The following PIK3R5 variants were observed in gnomAD, a reference collection of about 807,000 sequenced individuals.
The protein encoded by PIK3R5 is phosphoinositide-3-kinase regulatory subunit 5.
In PIK3R5, 32 loss-of-function variants were observed where a neutral mutation model predicts 94.9. That is an observed-to-expected ratio of 0.34 (90% confidence interval 0.25 to 0.45). The LOEUF (loss-of-function observed/expected upper bound fraction) is 0.45, where lower values mean the gene tolerates loss of function less well. PIK3R5 is among the 20% of genes least tolerant of loss of function. The pLI is 1.00. For missense variants in PIK3R5, 853 were observed against 1,144.6 expected (o/e 0.75, Z 3.68); for synonymous variants, 443 against 479.4 (o/e 0.92, Z 0.99).
chr17:8,942,501 G>A lies in PIK3R5; in HGVS notation c.-14+23095C>T, dbSNP rs998685359. 4.6e-5 allele frequency among the ~76,000 whole-genome samples: 7 copies of A among 152,306 alleles called. No homozygotes were observed. In the East Asian group the frequency reaches 1.2e-3, roughly 25 times the overall value. On this transcript the variant is annotated intron_variant, in intron 1 of 18. Coordinates refer to ENST00000447110, the MANE Select transcript of PIK3R5 (RefSeq NM_001142633.3). ...CCCACCAACACCCTGACAGGGGCAG[G>A]TTCAAAAGACAGTCTGCAGGAGGGG...
rs370012186 is a variant in PIK3R5, at chr17:8,887,532, C to T, written c.1768G>A (p.Ala590Thr). 53 of 1,605,216 alleles carry T rather than the reference C, an allele frequency of 3.3e-5. No individual in the cohort carries two copies. The highest frequency in any genetic ancestry group is 3.7e-5 in the Non-Finnish European group (44 of 1,176,128). The change falls in exon 11 of 19, where the codon GCC (alanine) becomes ACC (threonine). Residue 590 changes from alanine (A) to threonine (T), a missense_variant. Coordinates refer to ENST00000447110, the MANE Select transcript of PIK3R5 (RefSeq NM_001142633.3). ...PSPPTDSPRHASPGELGTTPW... is the reference protein window; with the variant it reads ...PSPPTDSPRHTSPGELGTTPW... ...GGCTGGGGACATACTCCAGGGCTGG[C>T]GTGCCTAGGGGAGTCTGTCGGGGGT...
In PIK3R5 at chr17:8,925,084, A is replaced by G. The variant is rs140216780; in HGVS notation, c.-13-13577T>C. On this transcript the variant is annotated intron_variant, in intron 1 of 18. Coordinates refer to ENST00000447110, the MANE Select transcript of PIK3R5 (RefSeq NM_001142633.3). The surrounding 1 kb of genome is among the most constrained non-coding windows in gnomAD (Gnocchi z 5.1). Reference sequence around the variant, plus strand: ...TAGATGGATAGATGGATAGATAGATAGTGGATAGATAGAAAGTAGATGGAT... The same window carrying G: ...TAGATGGATAGATGGATAGATAGATGGTGGATAGATAGAAAGTAGATGGAT... Among the ~76,000 whole-genome samples the G allele has an allele frequency of 2.8e-3, 418 of 151,724 alleles. No homozygotes were observed. The highest frequency in any genetic ancestry group is 5.6e-3 in the South Asian group (27 of 4,816).
At chr17:8,965,108 C>A in intron 1 of PIK3R5, among the ~76,000 whole-genome samples, 1 of 152,210 alleles carries the variant, frequency 6.6e-6, no homozygotes, top group East Asian at 1.9e-4. Context: ...GGACAGCAGC[C>A]GCGTCTGGGC....
chr17:8,919,665 C>T (rs982731541), intron 1 of PIK3R5, among the ~76,000 whole-genome samples: 6 of 152,116 alleles, frequency 3.9e-5, no homozygotes, highest in Non-Finnish European at 7.4e-5. Flanking sequence ...TGTGTCATAC[C>T]GTGTTGGTGT....
chr17:8,890,026 A>G lies in PIK3R5; in HGVS notation c.758T>C (p.Leu253Pro), dbSNP rs2089984727. ...TCCCACCGCCTGCAGCTTGGTCCTG[A>G]GCCACCGCCGGGCCTCTGCAGCATC... The part of the protein sequence containing the change: ...IGDAAEARRW[L>P]RTKLQAVGEK... Residue 253 changes from leucine (L) to proline (P), a missense_variant, in exon 8 of 19, where the codon CTC becomes CCC. Physicochemically the swap from Leu to Pro is moderately conservative, Grantham distance 98 (BLOSUM62 -3). Transcript: ENST00000447110. This position sits in a 1 kb window ranked among gnomAD's most constrained non-coding sequence, Gnocchi z 6.1. The G allele has an allele frequency of 6.2e-7, 1 of 1,613,726 alleles. No individual in the cohort carries two copies. Among genetic ancestry groups the G allele is most frequent in the South Asian group, 1.1e-5 (1 of 91,078 alleles).
In PIK3R5 at chr17:8,888,064, A is replaced by C; in HGVS notation, c.1616+107T>G. On this transcript the variant is annotated intron_variant, in intron 10 of 18. Coordinates refer to ENST00000447110, the MANE Select transcript of PIK3R5 (RefSeq NM_001142633.3). This position sits in a 1 kb window ranked among gnomAD's most constrained non-coding sequence, Gnocchi z 7.8. Reference sequence around the variant, plus strand: ...AATAATAATAAAATAAAAATAAATAAGGGAACTTTTGGTTCCTCTGGGGCC... The same window carrying C: ...AATAATAATAAAATAAAAATAAATACGGGAACTTTTGGTTCCTCTGGGGCC... 1.9e-6 allele frequency: 1 copy of C among 520,076 alleles called. No individual in the cohort carries two copies. Among genetic ancestry groups the C allele is most frequent in the Non-Finnish European group, 3.3e-6 (1 of 298,732 alleles). The allele number at this position is 520,076 out of a possible 1,614,324, so 32.2% of individuals were successfully genotyped here.
At chr17:8,885,986 G>C (rs1283456575) in intron 14 of PIK3R5, among the ~76,000 whole-genome samples, 2 of 148,986 alleles carry the variant, frequency 1.3e-5, no homozygotes, top group South Asian at 2.1e-4. Context: ...CTGCCTCCTG[G>C]GTAACCCTAC....
intron 1 of PIK3R5, among the ~76,000 whole-genome samples, chr17:8,937,361 A>C (rs766439987): frequency 6.6e-6 from 1 of 152,222 alleles, no homozygotes; most frequent in Non-Finnish European, 1.5e-5. Context: ...TTCTCACCAT[A>C]ATGTTAGCTG....
At chr17:8,913,152 C>A (rs528512432) in intron 1 of PIK3R5, among the ~76,000 whole-genome samples, 1 of 152,170 alleles carries the variant, frequency 6.6e-6, no homozygotes, top group Non-Finnish European at 1.5e-5. Flanking sequence ...AGTGGGGACC[C>A]CCCTCCAGGG....
Position 8,888,622 on chromosome 17 carries a change from T to C in PIK3R5, c.1165A>G (p.Ser389Gly). 1 of 1,612,992 alleles carries C rather than the reference T, an allele frequency of 6.2e-7. No individual in the cohort carries two copies. Among genetic ancestry groups the C allele is most frequent in the Non-Finnish European group, 8.5e-7 (1 of 1,179,506 alleles). ...FVSGLSDGMD[S>G]GYVEDSEESS... ...TCCTCGCTGTCCTCCACGTAGCCGC[T>C]GTCCATGCCATCAGAGAGGCCTGAG... The change falls in exon 10 of 19, where the codon AGC (serine) becomes GGC (glycine). Residue 389 changes from serine to glycine, a missense_variant. Coordinates refer to ENST00000447110, the MANE Select transcript of PIK3R5 (RefSeq NM_001142633.3). This position sits in a 1 kb window ranked among gnomAD's most constrained non-coding sequence, Gnocchi z 7.8.
chr17:8,916,239 G>T (rs903462921), intron 1 of PIK3R5: 3 of 152,316 alleles, frequency 2.0e-5, no homozygotes, highest in African/African-American at 7.2e-5. Context: ...CCTTTGACAC[G>T]CTCATTTCCG....
rs774000828 is a variant in PIK3R5 at position 8,887,637 on chromosome 17, G to A, written c.1663C>T (p.Gln555Ter). The change falls in exon 11 of 19, where the codon CAG becomes TAG. Residue 555 changes from glutamine (Q) to a stop codon, truncating the protein, a stop_gained. Coordinates refer to ENST00000447110, the MANE Select transcript of PIK3R5 (RefSeq NM_001142633.3). LOFTEE classifies it high-confidence loss of function. ...RPLLTRFFKL[Q>*]FFYVPVKRSH... ...CGCTTCACAGGCACGTAGAAGAACT[G>A]AAGTTTGAAGAACCGTGTGAGGAGT... 6.2e-7 allele frequency: 1 copy of A among 1,608,702 alleles called. No individual in the cohort carries two copies. Among genetic ancestry groups the A allele is most frequent in the Non-Finnish European group, 8.5e-7 (1 of 1,177,512 alleles).
Position 8,890,923 on chromosome 17 carries a change from A to G in PIK3R5, c.483-11T>C, listed in dbSNP as rs1209568503. Reference sequence around the variant, plus strand: ...AGCAGCAGCACGGTGCTGGGGACACAGGGGACCGGCTATGGCACCCAGGGG... The same window carrying G: ...AGCAGCAGCACGGTGCTGGGGACACGGGGGACCGGCTATGGCACCCAGGGG... On this transcript the variant is annotated splice_polypyrimidine_tract_variant and intron_variant, in intron 6 of 18. Transcript: ENST00000447110. This position sits in a 1 kb window ranked among gnomAD's most constrained non-coding sequence, Gnocchi z 6.1. 2 of 1,612,012 alleles carry G rather than the reference A, an allele frequency of 1.2e-6. No individual in the cohort carries two copies. The highest frequency in any genetic ancestry group is 3.3e-5 in the Admixed American group (2 of 59,826).
Position 8,925,401 on chromosome 17 carries a change from G to T in PIK3R5, c.-13-13894C>A, listed in dbSNP as rs187349614. Among the ~76,000 whole-genome samples the T allele has an allele frequency of 6.6e-6, 1 of 151,838 alleles. No homozygotes were observed. Among genetic ancestry groups the T allele is most frequent in the East Asian group, 1.9e-4 (1 of 5,144 alleles). On this transcript the variant is annotated intron_variant, in intron 1 of 18. Coordinates refer to ENST00000447110, the MANE Select transcript of PIK3R5 (RefSeq NM_001142633.3). The surrounding 1 kb of genome is among the most constrained non-coding windows in gnomAD (Gnocchi z 5.1). ...TAGATAGATAGATAGTAGATGGAGA[G>T]ATAGTAGATGGATAGGTAGATAGTA...
At position 8,931,927 on chromosome 17, in the gene PIK3R5, A is replaced by C. The variant is rs192218153; in HGVS notation, c.-13-20420T>G. Among the ~76,000 whole-genome samples, 66 of 152,328 alleles carry C rather than the reference A, an allele frequency of 4.3e-4. 1 individual carries two copies. In the East Asian group the frequency reaches 9.1e-3, roughly 21 times the overall value. On this transcript the variant is annotated intron_variant, in intron 1 of 18. Coordinates refer to ENST00000447110, the MANE Select transcript of PIK3R5 (RefSeq NM_001142633.3). ...ACACTTGAAAGGATCCTGCTTATCC[A>C]CCTATAAATTAACTGCCTGGCAGAA... is the stretch of plus-strand genomic sequence containing the variant.
chr17:8,909,593 A>C lies in PIK3R5; in HGVS notation c.104-419T>G, dbSNP rs533524619. Among the ~76,000 whole-genome samples, 1 of 152,102 alleles carries C rather than the reference A, an allele frequency of 6.6e-6. No individual in the cohort carries two copies. The highest frequency in any genetic ancestry group is 1.9e-4 in the East Asian group (1 of 5,180). On this transcript the variant is annotated intron_variant, in intron 2 of 18. Coordinates refer to ENST00000447110, the MANE Select transcript of PIK3R5 (RefSeq NM_001142633.3). The surrounding 1 kb of genome is among the most constrained non-coding windows in gnomAD (Gnocchi z 4.3). The stretch of plus-strand genomic sequence containing the variant: ...TGAGCCACTGCACCCGGCCTGGAAC[A>C]CTCCTTTCTAAAGTAAGTGAATCTA...
rs1251029588 is a variant in PIK3R5 at position 8,935,948 on chromosome 17, GGAGGCT to G, written c.-13-24447_-13-24442del. 1.3e-5 allele frequency among the ~76,000 whole-genome samples: 2 copies of G among 151,912 alleles called. No homozygotes were observed. The highest frequency in any genetic ancestry group is 2.9e-5 in the Non-Finnish European group (2 of 67,966). On this transcript the variant is annotated intron_variant, in intron 1 of 18. Coordinates refer to ENST00000447110, the MANE Select transcript of PIK3R5 (RefSeq NM_001142633.3). The surrounding 1 kb of genome is among the most constrained non-coding windows in gnomAD (Gnocchi z 4.5). ...GGGCACCTGTAGTCCCAGCTACTCG[GGAGGCT>G]GAGGCAGGAGAATGGCGTGAACCCG...
chr17:8,951,738 C>G (rs1278197701), intron 1 of PIK3R5, among the ~76,000 whole-genome samples: 1 of 152,144 alleles, frequency 6.6e-6, no homozygotes, highest in Non-Finnish European at 1.5e-5. Context: ...CAAGCTTACT[C>G]CACAACAGAA....
intron 1 of PIK3R5, chr17:8,912,432 T>C (rs1406259836): frequency 6.6e-6 from 1 of 152,278 alleles, no homozygotes; most frequent in Non-Finnish European, 1.5e-5. Flanking sequence ...TCTGTTGACT[T>C]ATCTGTAAAA....
Sources: gnomAD v4.1 joint callset for allele counts (sites outside exome capture counted in the v4.1 genomes callset) on GRCh38, gnomAD v4.1.1 for gene constraint, Gnocchi (gnomAD v3.1) non-coding constraint, MANE v1.5 for transcripts, NCBI Gene and HGNC (gene_info 2026-07-23, HGNC 2026-07-21) for gene names.